Variants in CPNE4 observed in about 807,000 individuals in gnomAD.
CPNE4 encodes copine-4.
A neutral mutation model predicts 67.9 loss-of-function variants in CPNE4; 25 were observed. That is an observed-to-expected ratio of 0.37 (90% confidence interval 0.27 to 0.51). The LOEUF is 0.51. Among genes scored for constraint, CPNE4 ranks in the 20% least tolerant of loss-of-function variants. The pLI, the probability that CPNE4 is intolerant of heterozygous loss-of-function variation, is 0.93. For missense variants in CPNE4, 464 were observed against 690.8 expected (o/e 0.67, Z 3.68); for synonymous variants, 242 against 244.9 (o/e 0.99, Z 0.11).
chr3:131,986,665 G>A (rs1226521595), intron 1 of CPNE4, among the ~76,000 whole-genome samples: 1 of 152,122 alleles, frequency 6.6e-6, no homozygotes, highest in Non-Finnish European at 1.5e-5. Flanking sequence ...TGGGAGGCCA[G>A]GCAGGCGGAT....
chr3:131,999,711 G>T (rs1273682193), intron 1 of CPNE4, among the ~76,000 whole-genome samples: 1 of 151,960 alleles, frequency 6.6e-6, no homozygotes, highest in African/African-American at 2.4e-5. Context: ...TTTAGTGGTA[G>T]AACTGGCACT....
chr3:131,972,582 A>G (rs2072533076), intron 1 of CPNE4, among the ~76,000 whole-genome samples: 1 of 152,182 alleles, frequency 6.6e-6, no homozygotes, highest in African/African-American at 2.4e-5. Flanking sequence ...GAGAAGAATC[A>G]TTCAACAGTG....
chr3:131,951,763 CTG>C (rs1304810086), intron 1 of CPNE4, among the ~76,000 whole-genome samples: 1 of 152,224 alleles, frequency 6.6e-6, no homozygotes, highest in African/African-American at 2.4e-5. Flanking sequence ...TGGGGTTTCG[CTG>C]TGTTGGCCGG....
At chr3:131,618,425 C>T (rs1334854358) in intron 7 of CPNE4, among the ~76,000 whole-genome samples, 2 of 152,052 alleles carry the variant, frequency 1.3e-5, no homozygotes, top group Non-Finnish European at 2.9e-5. Context: ...ATTCTTTTAG[C>T]AATTTTGAAG....
intron 6 of CPNE4, among the ~76,000 whole-genome samples, chr3:131,675,896 C>T (rs940699168): frequency 6.6e-5 from 10 of 151,082 alleles, no homozygotes; most frequent in African/African-American, 2.4e-4. Context: ...TCTTTCCTTC[C>T]TTCCTGTGTT....
chr3:131,703,311 G>A (rs2081346177), intron 3 of CPNE4, among the ~76,000 whole-genome samples: 1 of 152,230 alleles, frequency 6.6e-6, no homozygotes, highest in African/African-American at 2.4e-5. Flanking sequence ...TTTGTCAGAA[G>A]TTCCTTAATT....
At chr3:131,963,511 C>T (rs1458284673) in intron 1 of CPNE4, among the ~76,000 whole-genome samples, 1 of 152,170 alleles carries the variant, frequency 6.6e-6, no homozygotes, top group African/African-American at 2.4e-5. Context: ...TCACTGCCAG[C>T]AAAGCAGTCT....
intron 2 of CPNE4, among the ~76,000 whole-genome samples, chr3:131,755,840 G>T (rs1475173970): frequency 6.6e-6 from 1 of 152,160 alleles, no homozygotes; most frequent in Non-Finnish European, 1.5e-5. Flanking sequence ...TCTCAGGGTT[G>T]CTAGTATTTT....
chr3:132,019,693 T>G (rs1052833059), intron 1 of CPNE4, among the ~76,000 whole-genome samples: 1 of 152,224 alleles, frequency 6.6e-6, no homozygotes, highest in African/African-American at 2.4e-5. Context: ...AATGCAATAT[T>G]AGCCAAATTC....
At chr3:131,540,396 A>C (rs1935414504) in intron 15 of CPNE4, among the ~76,000 whole-genome samples, 1 of 152,220 alleles carries the variant, frequency 6.6e-6, no homozygotes, top group Admixed American at 6.5e-5. Flanking sequence ...GAGGCTGCTG[A>C]GCTGGTGATC....
chr3:131,922,655 C>T (rs559723355), intron 1 of CPNE4, among the ~76,000 whole-genome samples: 1 of 152,320 alleles, frequency 6.6e-6, no homozygotes, highest in Admixed American at 6.5e-5. Flanking sequence ...TTTGGAAATT[C>T]ACGGGCATTA....
chr3:131,761,506 C>T (rs112770110), intron 2 of CPNE4, among the ~76,000 whole-genome samples: 25 of 151,986 alleles, frequency 1.6e-4, no homozygotes, highest in African/African-American at 5.5e-4. Context: ...ATGGGTAGTA[C>T]GGGACAAAAA....
At chr3:131,540,278 T>C (rs763188610) in intron 15 of CPNE4, among the ~76,000 whole-genome samples, 3 of 152,152 alleles carry the variant, frequency 2.0e-5, no homozygotes, top group Non-Finnish European at 2.9e-5. Flanking sequence ...AGAGTAGTAA[T>C]TGTGTGGCAG....
At chr3:131,628,253 T>C (rs570242534) in intron 7 of CPNE4, among the ~76,000 whole-genome samples, 1 of 152,270 alleles carries the variant, frequency 6.6e-6, no homozygotes, top group South Asian at 2.1e-4. Flanking sequence ...GATGAAGGCA[T>C]ACCCAAGACT....
intron 1 of CPNE4, among the ~76,000 whole-genome samples, chr3:132,010,032 A>G (rs1452430040): frequency 1.3e-5 from 2 of 152,226 alleles, no homozygotes; most frequent in Admixed American, 1.3e-4. Flanking sequence ...TCATTGCACT[A>G]GCAATTAAAT....
intron 5 of CPNE4, among the ~76,000 whole-genome samples, chr3:131,692,157 C>T (rs922629036): frequency 8.5e-5 from 13 of 152,180 alleles, no homozygotes; most frequent in East Asian, 3.9e-4. Flanking sequence ...ATACCCATGA[C>T]GGTGATCTTG....
chr3:132,035,131 G>T, upstream of CPNE4: 1 of 903,490 alleles, frequency 1.1e-6, no homozygotes, highest in Non-Finnish European at 1.3e-6. Context: ...CTCAGGCCCC[G>T]CCCAGGCCTT....
At chr3:131,949,915 C>A (rs2071671098) in intron 1 of CPNE4, among the ~76,000 whole-genome samples, 1 of 152,096 alleles carries the variant, frequency 6.6e-6, no homozygotes, top group African/African-American at 2.4e-5. Context: ...ATGTATTCAT[C>A]CATTCCCTTC....
intron 1 of CPNE4, among the ~76,000 whole-genome samples, chr3:131,929,590 GAA>G (rs148516483): frequency 0.75 from 113,838 of 151,554 alleles, 43,197 homozygotes; most frequent in African/African-American, 0.84. Context: ...GCCTCCAAGG[GAA>G]ATCCCTCACA....
Sources: allele counts gnomAD v4.1 joint callset (sites outside exome capture counted in the v4.1 genomes callset), GRCh38; gene constraint gnomAD v4.1.1; transcripts MANE v1.5; gene names NCBI Gene and HGNC (gene_info 2026-07-23, HGNC 2026-07-21).